Variants in ZNF300 observed in about 807,000 individuals in gnomAD.
ZNF300 encodes zinc finger protein 300.
ZNF300 carries 6 observed loss-of-function variants against 13.9 expected under a neutral mutation model. That is an observed-to-expected ratio of 0.43 (90% CI 0.24 to 0.85). The LOEUF (loss-of-function observed/expected upper bound fraction) is 0.85, where lower values mean the gene tolerates loss of function less well. Ranked by LOEUF, ZNF300 falls within the 40% of genes least tolerant of loss-of-function variation. The pLI is 0.25. For synonymous variants in ZNF300, 237 were observed against 242.2 expected (o/e 0.98, Z 0.20); for missense variants, 662 against 714.2 (o/e 0.93, Z 0.83).
rs752255527 is a variant in ZNF300, at chr5:150,896,226, G to A, written c.1013C>T (p.Ser338Leu). 4.3e-6 allele frequency: 7 copies of A among 1,613,560 alleles called. No homozygotes were observed. The African/African-American group carries it at 8.0e-5, about 18-fold the overall frequency. The stretch of plus-strand genomic sequence containing the variant: ...AACTCTCTGATGTATAATAAGGGAC[G>A]ATTTCTGAGAGAAGGCTTTTCCACA... ...SECGKAFSQK[S>L]SLIIHQRVHT... Residue 338 changes from serine (S) to leucine (L), a missense_variant, in exon 6 of 6, where the codon TCG (serine) becomes TTG (leucine). Physicochemically the swap from Ser to Leu is moderately radical, Grantham distance 145 (BLOSUM62 -2). Transcript: ENST00000274599.
At chr5:150,903,021 A>C in intron 3 of ZNF300, 120 bp downstream of exon 3, 1 of 1,021,532 alleles carries the variant, frequency 9.8e-7, no homozygotes, top group African/African-American at 1.6e-5. Flanking sequence ...AACTCTTTCG[A>C]GGTCTTGATC....
intron 5 of ZNF300, 30 bp downstream of exon 5, chr5:150,898,032 T>TA (rs1346699433): frequency 3.1e-6 from 5 of 1,599,766 alleles, no homozygotes; most frequent in Non-Finnish European, 3.4e-6. Flanking sequence ...ACCAATCAAT[T>TA]AAAAAAACAT....
In ZNF300 at chr5:150,896,832, C is replaced by T. The variant is rs1482396813; in HGVS notation, c.407G>A (p.Arg136Lys). Residue 136 changes from arginine to lysine, a missense_variant, in exon 6 of 6, where the codon AGA becomes AAA. Coordinates refer to ENST00000274599, the MANE Select transcript of ZNF300 (RefSeq NM_052860.4). The part of the protein sequence containing the change: ...KVCQGDGQLQ[R>K]FLENQDKLFR... ...GAGTTTGTCTTGATTCTCTAGAAAT[C>T]TCTGCAGCTGACCATCACCTTGACA... The T allele has an allele frequency of 1.9e-6, 3 of 1,613,636 alleles. No individual in the cohort carries two copies. Among genetic ancestry groups the T allele is most frequent in the Non-Finnish European group, 1.7e-6 (2 of 1,179,766 alleles).
intron 5 of ZNF300, chr5:150,897,789 C>G (rs1215882183): frequency 2.5e-6 from 1 of 400,244 alleles, no homozygotes; most frequent in Non-Finnish European, 4.4e-6. Context: ...GGAATATTGC[C>G]TTTTAAAGCA....
chr5:150,899,268 A>C (rs572748400), intron 3 of ZNF300, among the ~76,000 whole-genome samples: 1 of 152,172 alleles, frequency 6.6e-6, no homozygotes, highest in African/African-American at 2.4e-5. Flanking sequence ...CCAATACACT[A>C]TATAATACCT....
At position 150,898,161 on chromosome 5, in the gene ZNF300, C is replaced by A; in HGVS notation, c.166G>T (p.Val56Phe). The A allele has an allele frequency of 6.2e-7, 1 of 1,613,490 alleles. No homozygotes were observed. The highest frequency in any genetic ancestry group is 1.1e-5 in the South Asian group (1 of 91,068). ...TCTCCTTGTTCCAACTTGGAGATGA[C>A]ATCTGGTTTGGAAACTGGATACCCT... ...SMGYPVSKPD[V>F]ISKLEQGEEP... The change falls in exon 5 of 6, where the codon GTC becomes TTC. Residue 56 changes from valine (V) to phenylalanine (F), a missense_variant. By Grantham distance (50) the Val-to-Phe change is conservative (BLOSUM62 -1). Transcript: ENST00000274599.
In ZNF300 at chr5:150,896,060, C is replaced by G; in HGVS notation, c.1179G>C (p.Lys393Asn). The G allele has an allele frequency of 6.2e-7, 1 of 1,613,580 alleles. No individual in the cohort carries two copies. Among genetic ancestry groups the G allele is most frequent in the Non-Finnish European group, 8.5e-7 (1 of 1,179,784 alleles). ...CTCTGTGGTGTATAATCAGCTGTGA[C>G]TTCTGGGAAAAGGCCTTCCCACACT... ...CRECGKAFSQ[K>N]SQLIIHHRAH... Residue 393 changes from lysine (K) to asparagine (N), a missense_variant, in exon 6 of 6, where the codon AAG (lysine) becomes AAC (asparagine). Coordinates refer to ENST00000274599, the MANE Select transcript of ZNF300 (RefSeq NM_052860.4).
rs1224316364 is a variant in ZNF300 at position 150,895,830 on chromosome 5, C to T, written c.1409G>A (p.Cys470Tyr). Residue 470 changes from cysteine (C) to tyrosine (Y), a missense_variant, in exon 6 of 6, where the codon TGT becomes TAT. Physicochemically the swap from Cys to Tyr is radical, Grantham distance 194. Coordinates refer to ENST00000274599, the MANE Select transcript of ZNF300 (RefSeq NM_052860.4). ...TGACTTGCGGGAGAATGTCTTTCCA[C>T]ATTCAGTACATTCATAAGGTTTTTC... ...TGEKPYECTE[C>Y]GKTFSRKSQL... The T allele has an allele frequency of 6.2e-7, 1 of 1,613,712 alleles. No homozygotes were observed. The highest frequency in any genetic ancestry group is 8.5e-7 in the Non-Finnish European group (1 of 1,179,862).
At chr5:150,898,324 TC>T in intron 4 of ZNF300, 103 bp downstream of exon 4, 1 of 1,599,846 alleles carries the variant, frequency 6.3e-7, no homozygotes, top group Non-Finnish European at 8.6e-7. Flanking sequence ...GGTATGAAGG[TC>T]ATAAAAGTCA....
Position 150,895,660 on chromosome 5 carries a change from C to T in ZNF300, c.1579G>A (p.Gly527Arg). 1 of 1,613,216 alleles carries T rather than the reference C, an allele frequency of 6.2e-7. No individual in the cohort carries two copies. The highest frequency in any genetic ancestry group is 1.3e-5 in the African/African-American group (1 of 74,954). The change falls in exon 6 of 6, where the codon GGG becomes AGG. Residue 527 changes from glycine to arginine, a missense_variant. Gly to Arg is a moderately radical substitution (Grantham distance 125, BLOSUM62 -2). Transcript: ENST00000274599. ...TGGGACTTCTGAGAGAAGGCTTTCC[C>T]ACATTCAGTACATATATAAGGTTTT... is the stretch of plus-strand genomic sequence containing the variant. ...GEKPYICTEC[G>R]KAFSQKSHLP...
rs1478386 is a variant in ZNF300 at position 150,904,138 on chromosome 5, G to C, written c.-141-161C>G. On this transcript the variant is annotated intron_variant, in intron 1 of 5. Transcript: ENST00000274599. The stretch of plus-strand genomic sequence containing the variant: ...TGATTTTATCAGTTTTGATTTGTTT[G>C]GTCTTGTTTTAAAATGACCATTTGA... 8.1e-3 allele frequency among the ~76,000 whole-genome samples: 1,227 copies of C among 152,044 alleles called. 11 individuals carry two copies. Among genetic ancestry groups the C allele is most frequent in the African/African-American group, 0.028 (1,179 of 41,508 alleles).
chr5:150,900,885 T>C (rs922957402), intron 3 of ZNF300: 1 of 152,100 alleles, frequency 6.6e-6, no homozygotes, highest in Non-Finnish European at 1.5e-5. Context: ...TTATTAATGA[T>C]ACCCAAATGC....
In ZNF300 at chr5:150,903,993, A is replaced by C. The variant is rs1755068644; in HGVS notation, c.-141-16T>G. The stretch of plus-strand genomic sequence containing the variant: ...ATCAAAACATCTGGAAGGAAACAAA[A>C]GAAACAATCATACTCATCTCTGGAT... On this transcript the variant is annotated splice_polypyrimidine_tract_variant and intron_variant, in intron 1 of 5. Transcript: ENST00000274599. 6.6e-6 allele frequency: 1 copy of C among 152,442 alleles called. No homozygotes were observed. The highest frequency in any genetic ancestry group is 2.4e-5 in the African/African-American group (1 of 41,458). The allele number at this position is 152,442 out of a possible 1,614,324, so 9.4% of individuals were successfully genotyped here. A position where few individuals can be genotyped will look rare whatever the true frequency, so the allele number is the denominator to read the frequency against.
At chr5:150,897,873 C>CAT (rs112293233) in intron 5 of ZNF300, 189 bp downstream of exon 5, 24,252 of 576,716 alleles carry the variant, frequency 0.042, 598 homozygotes, top group East Asian at 0.14. Flanking sequence ...CAAATATAAA[C>CAT]ATATATATAT....
Position 150,896,524 on chromosome 5 carries a change from T to C in ZNF300, c.715A>G (p.Ile239Val). 1.2e-6 allele frequency: 2 copies of C among 1,613,730 alleles called. No homozygotes were observed. Among genetic ancestry groups the C allele is most frequent in the East Asian group, 4.5e-5 (2 of 44,848 alleles). Reference protein sequence around the residue: ...SNLEKIHNGVIPFDDNQCGNV... With the variant: ...SNLEKIHNGVVPFDDNQCGNV... The stretch of plus-strand genomic sequence containing the variant: ...CCACACTGATTATCATCAAAAGGTA[T>C]TACTCCATTGTGAATCTTCTCAAGA... The change falls in exon 6 of 6, where the codon ATA (isoleucine) becomes GTA (valine). Residue 239 changes from isoleucine (I) to valine (V), a missense_variant. Transcript: ENST00000274599.
Position 150,896,937 on chromosome 5 carries a change from A to T in ZNF300, c.302T>A (p.Ile101Asn). 2 of 1,612,946 alleles carry T rather than the reference A, an allele frequency of 1.2e-6. No individual in the cohort carries two copies. Among genetic ancestry groups the T allele is most frequent in the Non-Finnish European group, 1.7e-6 (2 of 1,179,448 alleles). The change falls in exon 6 of 6, where the codon ATT (isoleucine) becomes AAT (asparagine). Residue 101 changes from isoleucine to asparagine, a missense_variant. Physicochemically the swap from Ile to Asn is moderately radical, Grantham distance 149. Coordinates refer to ENST00000274599, the MANE Select transcript of ZNF300 (RefSeq NM_052860.4). ...ATGATGGAAGGAAACTGTCCCCAAA[A>T]TACATGACTGGGAGTTGTGAAGGTT... ...KSNLHNSQSC[I>N]LGTVSFHHKI...
intron 3 of ZNF300, among the ~76,000 whole-genome samples, chr5:150,901,088 A>G (rs1754980709): frequency 6.6e-6 from 1 of 152,046 alleles, no homozygotes; most frequent in Non-Finnish European, 1.5e-5. Flanking sequence ...GATATGTGTA[A>G]AAACGACTTC....
rs561426657 is a variant in ZNF300 at position 150,896,140 on chromosome 5, G to A, written c.1099C>T (p.Pro367Ser). The A allele has an allele frequency of 1.2e-6, 2 of 1,613,282 alleles. No homozygotes were observed. The highest frequency in any genetic ancestry group is 2.7e-5 in the African/African-American group (2 of 74,962). ...ECGKAFSQKS[P>S]LIIHQRIHTG... ...TGTATTCTCTGATGTATAATGAGGG[G>A]TGATTTCTGGGAGAAGGCTTTCCCG... Residue 367 changes from proline (P) to serine (S), a missense_variant, in exon 6 of 6, where the codon CCC (proline) becomes TCC (serine). Physicochemically the swap from Pro to Ser is moderately conservative, Grantham distance 74. Transcript: ENST00000274599.
At chr5:150,898,253 G>A (rs1754868220) in intron 4 of ZNF300, 69 bp from the exon 5 acceptor site, 1 of 1,602,648 alleles carries the variant, frequency 6.2e-7, no homozygotes. Context: ...TGCAGTTTCA[G>A]ATGGTCTACA....
Sources: allele counts gnomAD v4.1 joint callset (sites outside exome capture counted in the v4.1 genomes callset), GRCh38; gene constraint gnomAD v4.1.1; transcripts MANE v1.5; gene names NCBI Gene and HGNC (gene_info 2026-07-23, HGNC 2026-07-21).